Variants in SIPA1L1 observed in about 807,000 individuals in gnomAD.
SIPA1L1 encodes the protein signal induced proliferation associated 1 like 1.
A neutral mutation model predicts 162.7 loss-of-function variants in SIPA1L1; 26 were observed. That is an observed-to-expected ratio of 0.16 (90% confidence interval 0.12 to 0.22). SIPA1L1 has a LOEUF of 0.22. Ranked by LOEUF, SIPA1L1 falls within the 10% of genes least tolerant of loss-of-function variation. The pLI is 1.00. For missense variants in SIPA1L1, 1,874 were observed against 2,241.0 expected (o/e 0.84, Z 3.31); for synonymous variants, 829 against 837.4 (o/e 0.99, Z 0.17).
chr14:71,640,483 C>T (rs2041599196), intron 7 of SIPA1L1, among the ~76,000 whole-genome samples: 1 of 152,102 alleles, frequency 6.6e-6, no homozygotes, highest in African/African-American at 2.4e-5. Context: ...TAGCATAAAG[C>T]AGCAGATAAA....
intron 2 of SIPA1L1, among the ~76,000 whole-genome samples, chr14:71,402,698 G>A (rs1192695589): frequency 1.3e-5 from 2 of 152,106 alleles, no homozygotes; most frequent in African/African-American, 2.4e-5. Context: ...TCCTAAAATA[G>A]AGATAATGCC....
chr14:71,575,502 G>T (rs1199049527), intron 4 of SIPA1L1, among the ~76,000 whole-genome samples: 1 of 152,160 alleles, frequency 6.6e-6, no homozygotes, highest in South Asian at 2.1e-4. Context: ...AGAGACTTGT[G>T]TGGGGAGAAA....
At chr14:71,415,598 C>T (rs1595343496) in intron 2 of SIPA1L1, among the ~76,000 whole-genome samples, 3 of 152,126 alleles carry the variant, frequency 2.0e-5, no homozygotes, top group African/African-American at 7.2e-5. Context: ...ATTTTTACCT[C>T]AATCTTGGAA....
intron 2 of SIPA1L1, among the ~76,000 whole-genome samples, chr14:71,388,555 T>C (rs989787351): frequency 1.3e-5 from 2 of 152,362 alleles, no homozygotes; most frequent in South Asian, 2.1e-4. Context: ...TTCCAGACTC[T>C]AGAGGCACTT....
intron 14 of SIPA1L1, among the ~76,000 whole-genome samples, chr14:71,700,819 CT>C (rs1336648637): frequency 6.6e-6 from 1 of 151,746 alleles, no homozygotes; most frequent in Admixed American, 6.6e-5. Context: ...ATGGTGAAAC[CT>C]CTTCTCTACT....
At chr14:71,674,410 G>A (rs988033795) in intron 12 of SIPA1L1, among the ~76,000 whole-genome samples, 2 of 152,138 alleles carry the variant, frequency 1.3e-5, no homozygotes, top group Non-Finnish European at 2.9e-5. Context: ...TAGATATATT[G>A]TGGTGTGTCA....
At chr14:71,539,311 G>C (rs1350218143) in intron 4 of SIPA1L1, among the ~76,000 whole-genome samples, 1 of 152,190 alleles carries the variant, frequency 6.6e-6, no homozygotes, top group South Asian at 2.1e-4. Flanking sequence ...GTGTGGCCTA[G>C]TGTAAATATT....
rs2044640414 is a variant in SIPA1L1 at position 71,672,590 on chromosome 14, C to T, written c.3072C>T (p.Ile1024=). 2 of 1,614,016 alleles carry T rather than the reference C, an allele frequency of 1.2e-6. No individual in the cohort carries two copies. The highest frequency in any genetic ancestry group is 1.7e-5 in the Admixed American group (1 of 60,014). The change falls in exon 12 of 24, where the codon ATC becomes ATT. Residue 1024 remains isoleucine, a synonymous_variant. Coordinates refer to ENST00000381232, the MANE Select transcript of SIPA1L1 (RefSeq NM_001386936.1). The part of the protein sequence containing the change: ...LRTSVTVKVV[I]IPPHDDCTPR... ...CATCTGTCACGGTGAAGGTTGTCATCATTCCCCCGCATGATGACTGCACCC... is the reference window on the plus strand; with the variant it reads ...CATCTGTCACGGTGAAGGTTGTCATTATTCCCCCGCATGATGACTGCACCC...
intron 2 of SIPA1L1, among the ~76,000 whole-genome samples, chr14:71,459,380 G>A (rs899946335): frequency 5.3e-5 from 8 of 152,100 alleles, no homozygotes; most frequent in Non-Finnish European, 7.4e-5. Context: ...AAAGGATGGG[G>A]CTTGTATTAG....
Position 71,708,415 on chromosome 14 carries a change from C to T in SIPA1L1, c.3766-807C>T, listed in dbSNP as rs548553745. 3.3e-3 allele frequency among the ~76,000 whole-genome samples: 502 copies of T among 151,776 alleles called. 4 individuals carry two copies. The highest frequency in any genetic ancestry group is 0.011 in the African/African-American group (462 of 41,376). ...TCTCGGCTCACTGTAGCCTCAACCT[C>T]CTGGGCTCAAGCGATCCTCCCACCT... On this transcript the variant is annotated intron_variant, in intron 16 of 23. Transcript: ENST00000381232.
intron 2 of SIPA1L1, among the ~76,000 whole-genome samples, chr14:71,509,724 A>G (rs2050962069): frequency 6.6e-6 from 1 of 150,444 alleles, no homozygotes; most frequent in African/African-American, 2.5e-5. Flanking sequence ...AGCCTGGGCA[A>G]CAAGAGTGAA....
chr14:71,623,881 G>A (rs1354413213), intron 6 of SIPA1L1, among the ~76,000 whole-genome samples, 167 bp from the exon 7 acceptor site: 3 of 152,132 alleles, frequency 2.0e-5, no homozygotes, highest in South Asian at 2.1e-4. Flanking sequence ...TCATATTACA[G>A]TATCCTACAT....
intron 2 of SIPA1L1, among the ~76,000 whole-genome samples, chr14:71,495,617 G>T (rs1242164933): frequency 6.6e-6 from 1 of 151,154 alleles, no homozygotes; most frequent in Non-Finnish European, 1.5e-5. Context: ...CTGTTTTTCT[G>T]TTTTCAGTTT....
intron 2 of SIPA1L1, among the ~76,000 whole-genome samples, chr14:71,502,250 A>AT (rs1399938581): frequency 0.06 from 6,002 of 100,826 alleles, 169 homozygotes; most frequent in African/African-American, 0.091. Flanking sequence ...TTGAAAAAAA[A>AT]AAAAAATATA....
At chr14:71,407,140 G>A (rs902416021) in intron 2 of SIPA1L1, among the ~76,000 whole-genome samples, 1 of 152,152 alleles carries the variant, frequency 6.6e-6, no homozygotes, top group African/African-American at 2.4e-5. Flanking sequence ...CTACTCGGGT[G>A]GCTGAGGCAG....
chr14:71,736,728 G>A (rs1212372760), intron 22 of SIPA1L1, among the ~76,000 whole-genome samples: 1 of 152,192 alleles, frequency 6.6e-6, no homozygotes, highest in Non-Finnish European at 1.5e-5. Context: ...TTAGGAAGGA[G>A]CCTCCAACAG....
chr14:71,323,430 G>A (rs559661470), intron 2 of SIPA1L1, among the ~76,000 whole-genome samples: 81 of 152,276 alleles, frequency 5.3e-4, no homozygotes, highest in Non-Finnish European at 8.4e-4. Flanking sequence ...ATGTGACTAT[G>A]TGCCTCTTAT....
intron 2 of SIPA1L1, among the ~76,000 whole-genome samples, chr14:71,428,887 C>T (rs530799294): frequency 3.9e-5 from 6 of 152,294 alleles, no homozygotes; most frequent in South Asian, 4.2e-4. Flanking sequence ...GCTGCAACTA[C>T]GGTAAGAGCC....
intron 4 of SIPA1L1, among the ~76,000 whole-genome samples, chr14:71,540,053 C>T (rs898622216): frequency 5.3e-5 from 8 of 152,226 alleles, no homozygotes; most frequent in Admixed American, 5.2e-4. Flanking sequence ...ATCAGAAATG[C>T]TCTCTCGCAT....
Sources: allele counts gnomAD v4.1 joint callset (sites outside exome capture counted in the v4.1 genomes callset), GRCh38; gene constraint gnomAD v4.1.1; transcripts MANE v1.5; gene names NCBI Gene and HGNC (gene_info 2026-07-23, HGNC 2026-07-21).